WTAP: variants seen among roughly 807,000 people sequenced by gnomAD.
WTAP encodes the protein pre-mRNA-splicing regulator WTAP.
Under a neutral mutation model 50.0 loss-of-function variants are expected in WTAP, and 8 were observed. That is an observed-to-expected ratio of 0.16 (90% CI 0.09 to 0.29). The LOEUF (loss-of-function observed/expected upper bound fraction) is 0.29, where lower values mean the gene tolerates loss of function less well. Among genes scored for constraint, WTAP ranks in the 10% least tolerant of loss-of-function variants. WTAP has a pLI of 1.00. For missense variants in WTAP, 295 were observed against 470.7 expected (o/e 0.63, Z 3.45); for synonymous variants, 194 against 169.0 (o/e 1.15, Z -1.15).
chr6:159,729,160 G>A (rs923082213), intron 1 of WTAP, among the ~76,000 whole-genome samples: 2 of 152,156 alleles, frequency 1.3e-5, no homozygotes, highest in African/African-American at 4.8e-5. Context: ...GTCTCTTATG[G>A]TCTTGTATGT....
At chr6:159,742,860 A>G (rs186134472) in intron 4 of WTAP, among the ~76,000 whole-genome samples, 1 of 152,036 alleles carries the variant, frequency 6.6e-6, no homozygotes, top group East Asian at 1.9e-4. Context: ...GTTTGAGACC[A>G]GCATAGGCAA....
upstream of WTAP, chr6:159,727,405 C>CGGGAGGT (rs776642727): frequency 1.7e-6 from 2 of 1,208,848 alleles, no homozygotes; most frequent in African/African-American, 3.3e-5. Flanking sequence ...AGGCGGGAGG[C>CGGGAGGT]AGTGGCGCTG....
chr6:159,739,129 T>TAA (rs1779092230), intron 3 of WTAP, 84 bp downstream of exon 3: 1 of 1,153,044 alleles, frequency 8.7e-7, no homozygotes. Context: ...TTGTGCCAGA[T>TAA]ATTGTTTTTA....
chr6:159,731,832 A>G (rs1447308992), intron 1 of WTAP, among the ~76,000 whole-genome samples: 1 of 152,234 alleles, frequency 6.6e-6, no homozygotes, highest in Non-Finnish European at 1.5e-5. Context: ...CCTGTTTCAG[A>G]ATACCAAGGT....
chr6:159,730,088 A>G (rs548599858), intron 1 of WTAP, among the ~76,000 whole-genome samples: 2 of 152,318 alleles, frequency 1.3e-5, no homozygotes, highest in East Asian at 3.9e-4. Context: ...CAATCATGTT[A>G]CCACCCTTTT....
At chr6:159,728,354 G>C (rs2114857627) in intron 1 of WTAP, among the ~76,000 whole-genome samples, 1 of 152,172 alleles carries the variant, frequency 6.6e-6, no homozygotes, top group South Asian at 2.1e-4. Context: ...TCACTTGGTT[G>C]TTTGATCCCA....
At chr6:159,742,556 C>G (rs1367885604) in intron 4 of WTAP, among the ~76,000 whole-genome samples, 2 of 152,078 alleles carry the variant, frequency 1.3e-5, no homozygotes, top group African/African-American at 2.4e-5. Flanking sequence ...ATATATATAA[C>G]TTAATAATAT....
rs1464080497 is a variant in WTAP, at chr6:159,751,955, C to T, written c.453-1505C>T. Among the ~76,000 whole-genome samples the T allele has an allele frequency of 5.3e-5, 8 of 151,476 alleles. No individual in the cohort carries two copies. The South Asian group carries it at 8.4e-4, about 16-fold the overall frequency. ...GCACACCTATAGTCCCCAGGTACTC[C>T]GGAGGCTGAGGTGGGAGGATCACCT... On this transcript the variant is annotated intron_variant, in intron 6 of 7. Coordinates refer to ENST00000621533, the MANE Select transcript of WTAP (RefSeq NM_001270531.2).
intron 3 of WTAP, 37 bp downstream of exon 3, chr6:159,739,082 T>G (rs1165750699): frequency 1.3e-6 from 2 of 1,513,008 alleles, no homozygotes; most frequent in Non-Finnish European, 1.8e-6. Context: ...AGTCTTTCTA[T>G]AGAACATTAT....
At chr6:159,734,454 T>C (rs958831746) in intron 1 of WTAP, among the ~76,000 whole-genome samples, 2 of 151,932 alleles carry the variant, frequency 1.3e-5, no homozygotes, top group African/African-American at 4.8e-5. Context: ...ATAATAAGTA[T>C]GGGTAATTAA....
At position 159,748,641 on chromosome 6, in the gene WTAP, C is replaced by A. The variant is rs1779707450; in HGVS notation, c.452+272C>A. The A allele has an allele frequency of 8.0e-5, 103 of 1,287,330 alleles. No homozygotes were observed. The highest frequency in any genetic ancestry group is 1.0e-4 in the Non-Finnish European group (102 of 1,019,882). 79.7% of individuals were successfully genotyped at this position (1,287,330 alleles called of 1,614,324 possible). A position where few individuals can be genotyped will look rare whatever the true frequency, so the allele number is the denominator to read the frequency against. ...AAGAAGTGGCCACCTCCGAAAAATT[C>A]CCCTTCTAGAACATGTAGACACTTG... is the stretch of plus-strand genomic sequence containing the variant. On this transcript the variant is annotated intron_variant, in intron 6 of 7. Transcript: ENST00000621533. This position sits in a 1 kb window ranked among gnomAD's most constrained non-coding sequence, Gnocchi z 5.6.
At chr6:159,733,492 C>T (rs930658575) in intron 1 of WTAP, among the ~76,000 whole-genome samples, 4 of 152,002 alleles carry the variant, frequency 2.6e-5, no homozygotes, top group Non-Finnish European at 4.4e-5. Flanking sequence ...TGTGGTGGCA[C>T]ATGCCTGTAG....
upstream of WTAP, chr6:159,727,374 T>TGGCAGGAGGCAGGAGGCGGGAGGCGGGA (rs776889635): frequency 1.5e-5 from 15 of 1,033,244 alleles, no homozygotes; most frequent in African/African-American, 1.6e-4. Context: ...GCGGGGAGGC[T>TGGCAGGAGGCAGGAGGCGGGAGGCGGGA]GGCGGGAGGC....
Position 159,748,077 on chromosome 6 carries a change from G to T in WTAP, c.274-114G>T. On this transcript the variant is annotated intron_variant, in intron 5 of 7. Transcript: ENST00000621533. This position sits in a 1 kb window ranked among gnomAD's most constrained non-coding sequence, Gnocchi z 5.6. ...TTCTAGAGAATTTCAGGATCAAAGA[G>T]GGGAGGAGCTTAATGAAAGAGTTGG... 7.8e-7 allele frequency: 1 copy of T among 1,288,938 alleles called. No homozygotes were observed. The highest frequency in any genetic ancestry group is 1.1e-6 in the Non-Finnish European group (1 of 943,504). The allele number at this position is 1,288,938 out of a possible 1,614,324, so 79.8% of individuals were successfully genotyped here.
At chr6:159,741,578 C>A (rs1435016615) in intron 3 of WTAP, 1 of 152,372 alleles carries the variant, frequency 6.6e-6, no homozygotes, top group Non-Finnish European at 1.5e-5. Context: ...GGGGTTTGAT[C>A]TCACCCAGGG....
intron 3 of WTAP, among the ~76,000 whole-genome samples, chr6:159,740,790 G>A (rs974046297): frequency 1.3e-5 from 2 of 148,736 alleles, no homozygotes; most frequent in African/African-American, 2.5e-5. Flanking sequence ...TGCAACCGCC[G>A]CCTCCCGGTC....
chr6:159,754,244 T>C (rs1779923991), intron 7 of WTAP, among the ~76,000 whole-genome samples: 1 of 152,240 alleles, frequency 6.6e-6, no homozygotes, highest in South Asian at 2.1e-4. Context: ...TAATTTCTTC[T>C]GAACTACCTA....
intron 2 of WTAP, among the ~76,000 whole-genome samples, chr6:159,736,962 TG>T (rs1389471290): frequency 6.6e-6 from 1 of 152,212 alleles, no homozygotes; most frequent in Non-Finnish European, 1.5e-5. Flanking sequence ...AGTTTCCTAT[TG>T]TGGAGTCAGA....
At chr6:159,740,270 TTAA>T (rs1235378649) in intron 3 of WTAP, among the ~76,000 whole-genome samples, 1 of 152,232 alleles carries the variant, frequency 6.6e-6, no homozygotes, top group East Asian at 1.9e-4. Flanking sequence ...ATCAGTAATC[TTAA>T]TAAAGAATCA....
Sources: allele counts gnomAD v4.1 joint callset (sites outside exome capture counted in the v4.1 genomes callset), GRCh38; gene constraint gnomAD v4.1.1; non-coding constraint Gnocchi (gnomAD v3.1); transcripts MANE v1.5; gene names NCBI Gene and HGNC (gene_info 2026-07-23, HGNC 2026-07-21).